FIP1L1: variants seen among roughly 807,000 people sequenced by gnomAD.
The protein encoded by FIP1L1 is factor interacting with PAPOLA and CPSF1.
A neutral mutation model predicts 84.6 loss-of-function variants in FIP1L1; 21 were observed. The observed-to-expected ratio is 0.25, with a 90% CI of 0.18 to 0.36. FIP1L1 has a LOEUF of 0.36. Ranked by LOEUF, FIP1L1 falls within the 10% of genes least tolerant of loss-of-function variation. The pLI is 1.00. For synonymous variants in FIP1L1, 263 were observed against 242.3 expected, an observed-to-expected ratio of 1.09 and a Z score of -0.80; for missense variants, 526 against 751.1, an observed-to-expected ratio of 0.70 and a Z score of 3.50.
intron 16 of FIP1L1, among the ~76,000 whole-genome samples, chr4:53,458,107 T>C (rs1391110955): frequency 6.6e-6 from 1 of 152,202 alleles, no homozygotes; most frequent in Non-Finnish European, 1.5e-5. Context: ...GTCTCTGTTC[T>C]TTATTTTTAT....
intron 10 of FIP1L1, among the ~76,000 whole-genome samples, chr4:53,406,594 C>T (rs1034356027): frequency 6.6e-6 from 1 of 152,106 alleles, no homozygotes; most frequent in Non-Finnish European, 1.5e-5. Context: ...GTACCAGTTC[C>T]TCCTTGTACC....
intron 13 of FIP1L1, among the ~76,000 whole-genome samples, chr4:53,429,959 C>T (rs559378949): frequency 2.0e-5 from 3 of 152,228 alleles, no homozygotes; most frequent in African/African-American, 7.2e-5. Flanking sequence ...ACCCGTGGCC[C>T]CCAGCCTCTG....
Position 53,460,752 on chromosome 4 carries a change from G to T in FIP1L1, c.*1303G>T. The T allele has an allele frequency of 1.4e-6, 1 of 706,070 alleles. No homozygotes were observed. Among genetic ancestry groups the T allele is most frequent in the Non-Finnish European group, 2.3e-6 (1 of 441,000 alleles). 43.7% of individuals were successfully genotyped at this position (706,070 alleles called of 1,614,324 possible). ...TAATTTTTTTGGAATCATATTTTCT[G>T]AGGTGTAACTGGCTTTCATTAGATG... On this transcript the variant is annotated 3_prime_UTR_variant, in exon 18 of 18. Coordinates refer to ENST00000337488, the MANE Select transcript of FIP1L1 (RefSeq NM_030917.4).
intron 3 of FIP1L1, among the ~76,000 whole-genome samples, chr4:53,379,795 T>C (rs1736806714): frequency 6.6e-6 from 1 of 152,194 alleles, no homozygotes; most frequent in African/African-American, 2.4e-5. Context: ...TTATAGAACA[T>C]ATACAGGGAG....
At chr4:53,391,846 T>C (rs1280311702) in intron 9 of FIP1L1, among the ~76,000 whole-genome samples, 1 of 152,218 alleles carries the variant, frequency 6.6e-6, no homozygotes, top group Non-Finnish European at 1.5e-5. Context: ...AATTGGAAAC[T>C]TTTTTGTTCT....
chr4:53,379,121 A>T lies in FIP1L1; in HGVS notation c.130+4A>T. ...AGTGATTTGGCAAAGGACCTAGGTT[A>T]GTGCTTGTGATGATCACTTCAGATT... On this transcript the variant is annotated splice_donor_region_variant and intron_variant, in intron 2 of 17. Coordinates refer to ENST00000337488, the MANE Select transcript of FIP1L1 (RefSeq NM_030917.4). 1 of 1,614,058 alleles carries T rather than the reference A, an allele frequency of 6.2e-7. No homozygotes were observed. The highest frequency in any genetic ancestry group is 2.2e-5 in the East Asian group (1 of 44,862).
At chr4:53,454,173 C>T (rs895023080) in intron 16 of FIP1L1, among the ~76,000 whole-genome samples, 4 of 152,194 alleles carry the variant, frequency 2.6e-5, no homozygotes, top group African/African-American at 9.7e-5. Flanking sequence ...ACAGTGGTCT[C>T]ATAAGATTAC....
intron 9 of FIP1L1, 73 bp from the exon 10 acceptor site, chr4:53,399,657 T>C (rs1008036591): frequency 1.5e-5 from 14 of 925,870 alleles, no homozygotes; most frequent in African/African-American, 1.0e-4. Context: ...TGTAAACTTA[T>C]TTTAACATCT....
Position 53,453,053 on chromosome 4 carries a change from T to C in FIP1L1, c.1419T>C (p.Arg473=), listed in dbSNP as rs755451660. 11 of 1,612,704 alleles carry C rather than the reference T, an allele frequency of 6.8e-6. No homozygotes were observed. Among genetic ancestry groups the C allele is most frequent in the Non-Finnish European group, 9.3e-6 (11 of 1,178,970 alleles). ...GAGACAGAGACAGAGAGCGAGACCG[T>C]GATCGGGACAGAGAAAGAGAACGCA... ...RERDRDRERD[R]DRDRERERTR... The change falls in exon 16 of 18, where the codon CGT becomes CGC. Residue 473 remains arginine (R), a synonymous_variant. Transcript: ENST00000337488.
chr4:53,448,097 A>G (rs912539831), intron 15 of FIP1L1, among the ~76,000 whole-genome samples: 4 of 152,118 alleles, frequency 2.6e-5, no homozygotes, highest in African/African-American at 9.7e-5. Flanking sequence ...TCAAGTACAT[A>G]AAGATATTCT....
At chr4:53,408,354 G>T (rs7679743) in intron 10 of FIP1L1, among the ~76,000 whole-genome samples, 10 of 152,038 alleles carry the variant, frequency 6.6e-5, no homozygotes, top group Admixed American at 5.2e-4. Context: ...GAGTTTCTGC[G>T]GAGAGATCTG....
At chr4:53,415,822 G>A (rs991693655) in intron 11 of FIP1L1, among the ~76,000 whole-genome samples, 1 of 151,814 alleles carries the variant, frequency 6.6e-6, no homozygotes, top group East Asian at 1.9e-4. Context: ...ACATCTCAAA[G>A]TAAGAATGTC....
intron 15 of FIP1L1, among the ~76,000 whole-genome samples, chr4:53,446,259 C>G (rs531872335): frequency 6.6e-6 from 1 of 152,120 alleles, no homozygotes; most frequent in South Asian, 2.1e-4. Context: ...TTGATTCCCC[C>G]TCTTACCATT....
rs1743161625 is a variant in FIP1L1, at chr4:53,389,792, T to G, written c.333-17T>G. ...TTTCAGGATAATTTCTGTTTTTTTT[T>G]GTTTGTTTGTTTTTAGGAGTTATGG... On this transcript the variant is annotated splice_polypyrimidine_tract_variant and intron_variant, in intron 5 of 17. Coordinates refer to ENST00000337488, the MANE Select transcript of FIP1L1 (RefSeq NM_030917.4). 3.1e-6 allele frequency: 5 copies of G among 1,588,766 alleles called. No homozygotes were observed. The highest frequency in any genetic ancestry group is 2.3e-5 in the South Asian group (2 of 86,060).
intron 9 of FIP1L1, among the ~76,000 whole-genome samples, chr4:53,393,349 C>T (rs1205340285): frequency 6.6e-6 from 1 of 152,160 alleles, no homozygotes; most frequent in East Asian, 1.9e-4. Flanking sequence ...AGAATTTTTT[C>T]ATCCTTAAGT....
At chr4:53,440,556 A>G (rs1353307887) in intron 13 of FIP1L1, 2 of 1,436,908 alleles carry the variant, frequency 1.4e-6, no homozygotes, top group Admixed American at 2.0e-5. Flanking sequence ...CAATTACTAT[A>G]TTAAATTTCA....
Position 53,459,379 on chromosome 4 carries a change from A to G in FIP1L1, c.1715A>G (p.Lys572Arg). Residue 572 changes from lysine to arginine, a missense_variant, in exon 18 of 18, where the codon AAA becomes AGA. Coordinates refer to ENST00000337488, the MANE Select transcript of FIP1L1 (RefSeq NM_030917.4). The part of the protein sequence containing the change: ...RHKHKKSKRS[K>R]EGKEAGSEPA... ...AAACACAAAAAATCTAAAAGAAGCA[A>G]AGAAGGAAAAGAAGCGGGCAGTGAG... The G allele has an allele frequency of 3.1e-6, 5 of 1,613,282 alleles. No individual in the cohort carries two copies. Among genetic ancestry groups the G allele is most frequent in the Non-Finnish European group, 4.2e-6 (5 of 1,179,658 alleles).
chr4:53,398,629 G>A (rs1748643960), intron 9 of FIP1L1, among the ~76,000 whole-genome samples: 1 of 143,580 alleles, frequency 7.0e-6, no homozygotes, highest in East Asian at 2.0e-4. Flanking sequence ...AAAATATGGT[G>A]TGATATTATT....
In FIP1L1 at chr4:53,388,915, A is replaced by G. The variant is rs377063028; in HGVS notation, c.333-894A>G. Among the ~76,000 whole-genome samples the G allele has an allele frequency of 4.9e-4, 74 of 152,334 alleles. 1 individual carries two copies. The South Asian group carries it at 5.0e-3, about 10-fold the overall frequency. ...TTTGGCCAAGATTACACAACTAGCA[A>G]TTGACAAAACATTTGAATGTGGGTT... On this transcript the variant is annotated intron_variant, in intron 5 of 17. Coordinates refer to ENST00000337488, the MANE Select transcript of FIP1L1 (RefSeq NM_030917.4).
Sources: gnomAD v4.1 joint callset for allele counts (sites outside exome capture counted in the v4.1 genomes callset) on GRCh38, gnomAD v4.1.1 for gene constraint, MANE v1.5 for transcripts, NCBI Gene and HGNC (gene_info 2026-07-23, HGNC 2026-07-21) for gene names.